ZNF44: variants seen among roughly 807,000 people sequenced by gnomAD.
ZNF44 encodes the protein gonadotropin inducible transcription repressor-2.
ZNF44 carries 9 observed loss-of-function variants against 11.7 expected under a neutral mutation model. The observed-to-expected ratio is 0.77, with a 90% CI of 0.46 to 1.35. The LOEUF is 1.35. Ranked by LOEUF, ZNF44 falls within the 40% of genes most tolerant of loss-of-function variation. The pLI is 0.00. For missense variants in ZNF44, 696 were observed against 743.1 expected (o/e 0.94, Z 0.74); for synonymous variants, 224 against 242.7 (o/e 0.92, Z 0.72).
chr19:12,225,675 T>C (rs781361653), downstream of ZNF44, among the ~76,000 whole-genome samples: 2 of 152,122 alleles, frequency 1.3e-5, no homozygotes, highest in South Asian at 2.1e-4. Context: ...AATAGTAGAG[T>C]GAGTAAAGCA....
At chr19:12,248,133 T>C in exon 8 of ZNF44, 1 of 1,304,090 alleles carries the variant, frequency 7.7e-7, no homozygotes, top group Non-Finnish European at 1.0e-6. Flanking sequence ...TACAGTGTGA[T>C]TCCTTTCATG....
At chr19:12,276,522 A>G (rs2438528) in intron 1 of ZNF44, among the ~76,000 whole-genome samples, 59,337 of 152,062 alleles carry the variant, frequency 0.39, 12,832 homozygotes, top group African/African-American at 0.6. Context: ...AGGGCCCCGT[A>G]AGCATAACTA....
At chr19:12,287,573 G>A (rs754655262) in intron 1 of ZNF44, among the ~76,000 whole-genome samples, 16 of 152,100 alleles carry the variant, frequency 1.1e-4, no homozygotes, top group Admixed American at 1.3e-4. Context: ...GTCTTTCTGT[G>A]TCTGAGTTGT....
At chr19:12,239,425 T>C (rs1245316360), upstream of ZNF44, among the ~76,000 whole-genome samples, 1 of 147,806 alleles carries the variant, frequency 6.8e-6, no homozygotes, top group Non-Finnish European at 1.5e-5. Context: ...TTTTTTTTTT[T>C]TTTTTTTTTA....
rs1461471928 is a variant in ZNF44 at position 12,275,972 on chromosome 19, C to T, written c.114G>A (p.Arg38=). 1.9e-6 allele frequency: 3 copies of T among 1,605,678 alleles called. No individual in the cohort carries two copies. The highest frequency in any genetic ancestry group is 8.5e-7 in the Non-Finnish European group (1 of 1,174,404). Reference sequence around the variant, plus strand: ...CATCCATACCTATACAGTTCAGGTTCCTAATGGTTTCTCGCATCACATCTC... The same window carrying T: ...CATCCATACCTATACAGTTCAGGTTTCTAATGGTTTCTCGCATCACATCTC... ...LYRDVMRETI[R]NLNCIGMKWE... Residue 38 remains arginine, a synonymous_variant, in exon 2 of 4, where the codon AGG becomes AGA. Coordinates refer to ENST00000355684, the MANE Select transcript of ZNF44 (RefSeq NM_016264.4).
At chr19:12,260,600 G>A (rs1249727961) in intron 5 of ZNF44, 5 of 631,560 alleles carry the variant, frequency 7.9e-6, no homozygotes, top group East Asian at 5.7e-5. Flanking sequence ...CCTCATGCCC[G>A]CAAAAAACAA....
chr19:12,269,642 T>G (rs112493297), downstream of ZNF44, among the ~76,000 whole-genome samples: 20 of 152,354 alleles, frequency 1.3e-4, no homozygotes, highest in African/African-American at 4.8e-4. Flanking sequence ...GAATTACAGA[T>G]GTTGTGTCAC....
At chr19:12,293,860 C>G (rs927644471) in intron 1 of ZNF44, among the ~76,000 whole-genome samples, 2 of 152,088 alleles carry the variant, frequency 1.3e-5, no homozygotes, top group Non-Finnish European at 2.9e-5. Flanking sequence ...ACCCCACACA[C>G]GAGTCTGGTT....
rs1281991102 is a variant in ZNF44 at position 12,294,714 on chromosome 19, C to T, written c.-20G>A. ...CACCATTTCCCGGCTGTGCGGTGTC[C>T]CGGGTCCTCCCAACTCCCGTAGTCA... On this transcript the variant is annotated 5_prime_UTR_variant, in exon 1 of 4. Transcript: ENST00000355684. 4.5e-6 allele frequency: 7 copies of T among 1,556,526 alleles called. No individual in the cohort carries two copies. The East Asian group carries it at 1.5e-4, about 33-fold the overall frequency.
chr19:12,241,291 T>A (rs939687171), upstream of ZNF44, among the ~76,000 whole-genome samples: 2 of 152,232 alleles, frequency 1.3e-5, no homozygotes, highest in African/African-American at 4.8e-5. Flanking sequence ...AGTCCTTGTG[T>A]ATTGCTGGGG....
At chr19:12,270,936 C>A (rs926209637), downstream of ZNF44, among the ~76,000 whole-genome samples, 7 of 152,110 alleles carry the variant, frequency 4.6e-5, no homozygotes, top group Non-Finnish European at 8.8e-5. Context: ...TAAGTGATTT[C>A]AGGGGTTTCC....
At chr19:12,250,059 A>T in intron 6 of ZNF44, 1 of 1,267,774 alleles carries the variant, frequency 7.9e-7, no homozygotes, top group Non-Finnish European at 1.0e-6. Context: ...GACCCAGAAA[A>T]AATTATCATA....
downstream of ZNF44, among the ~76,000 whole-genome samples, chr19:12,268,182 A>ACACACACACACACAC (rs1555739617): frequency 8.0e-5 from 8 of 99,458 alleles, no homozygotes; most frequent in African/African-American, 3.0e-4. Flanking sequence ...ACACACACAC[A>ACACACACACACACAC]AGCTCCTTCC....
chr19:12,231,876 G>A (rs959134587), intron 2 of ZNF44, among the ~76,000 whole-genome samples: 7 of 152,144 alleles, frequency 4.6e-5, no homozygotes, highest in Non-Finnish European at 4.4e-5. Context: ...GGTGTTTCTC[G>A]TTAGGTGGAA....
At chr19:12,266,248 G>A (rs1568437138) in intron 5 of ZNF44, 4 of 985,378 alleles carry the variant, frequency 4.1e-6, no homozygotes, top group Non-Finnish European at 3.6e-6. Flanking sequence ...CCTCCCGCGT[G>A]TCGGGACCCC....
chr19:12,268,432 C>G (rs1346718911), downstream of ZNF44, among the ~76,000 whole-genome samples: 2 of 152,148 alleles, frequency 1.3e-5, no homozygotes, highest in African/African-American at 2.4e-5. Context: ...CTATTCTGTT[C>G]TACTGGTCTA....
intron 5 of ZNF44, chr19:12,250,502 TCTAA>T (rs752439054): frequency 3.3e-5 from 26 of 786,394 alleles, no homozygotes; most frequent in Non-Finnish European, 4.4e-5. Flanking sequence ...TTGTCAGAAC[TCTAA>T]CTCTTTGGCC....
chr19:12,269,681 T>C (rs1399304468), downstream of ZNF44, among the ~76,000 whole-genome samples: 1 of 152,062 alleles, frequency 6.6e-6, no homozygotes, highest in African/African-American at 2.4e-5. Context: ...ATAAATGTTA[T>C]AACATTTCTT....
rs1344030556 is a variant in ZNF44, at chr19:12,273,713, G to C, written c.542C>G (p.Pro181Arg). Residue 181 changes from proline to arginine, a missense_variant, in exon 4 of 4, where the codon CCT becomes CGT. Pro to Arg is a moderately radical substitution (Grantham distance 103, BLOSUM62 -2). Transcript: ENST00000355684. ...CKECGKTFSSPGNLRRHMVVK... is the reference protein window; with the variant it reads ...CKECGKTFSSRGNLRRHMVVK... ...TACCATATGTCTTCGAAGGTTTCCA[G>C]GAGAACTGAAGGTTTTTCCACATTC... is the stretch of plus-strand genomic sequence containing the variant. 6.2e-7 allele frequency: 1 copy of C among 1,614,114 alleles called. No individual in the cohort carries two copies. Among genetic ancestry groups the C allele is most frequent in the Admixed American group, 1.7e-5 (1 of 60,020 alleles).
Sources: allele counts gnomAD v4.1 joint callset (sites outside exome capture counted in the v4.1 genomes callset), GRCh38; gene constraint gnomAD v4.1.1; transcripts MANE v1.5; gene names NCBI Gene and HGNC (gene_info 2026-07-23, HGNC 2026-07-21).